Variants in DNM3 observed in about 807,000 individuals in gnomAD.
DNM3 encodes dynamin-3.
A neutral mutation model predicts 101.6 loss-of-function variants in DNM3; 47 were observed. The observed-to-expected ratio is 0.46, with a 90% CI of 0.37 to 0.59. The LOEUF is 0.59. DNM3 is among the 20% of genes least tolerant of loss of function. The probability of loss-of-function intolerance (pLI) is 0.00; values close to 1 mark genes in which losing one functional copy is unlikely to be tolerated. For synonymous variants in DNM3, 385 were observed against 387.9 expected (o/e 0.99, Z 0.09); for missense variants, 849 against 1,085.7 (o/e 0.78, Z 3.06).
At chr1:172,109,010 A>C (rs986181128) in intron 13 of DNM3, among the ~76,000 whole-genome samples, 2 of 152,212 alleles carry the variant, frequency 1.3e-5, no homozygotes, top group African/African-American at 4.8e-5. Context: ...TAATGCCTAT[A>C]ATTATTATTT....
intron 4 of DNM3, among the ~76,000 whole-genome samples, chr1:171,993,232 C>T (rs1558388729): frequency 6.6e-6 from 1 of 151,612 alleles, no homozygotes; most frequent in African/African-American, 2.4e-5. Context: ...GTCCAGTGTC[C>T]TTTTTTTTCT....
chr1:171,878,379 CT>C (rs34181872), intron 1 of DNM3, among the ~76,000 whole-genome samples: 61,259 of 146,134 alleles, frequency 0.42, 12,504 homozygotes, highest in Non-Finnish European at 0.44. Context: ...AAATTCCTTT[CT>C]TTTTTTTTTT....
intron 10 of DNM3, among the ~76,000 whole-genome samples, chr1:172,064,637 G>C (rs1368830627): frequency 6.6e-6 from 1 of 152,000 alleles, no homozygotes; most frequent in Non-Finnish European, 1.5e-5. Flanking sequence ...TGTATCTTAA[G>C]AATTGGGACT....
rs529934655 is a variant in DNM3, at chr1:172,194,598, C to T, written c.1660-58975C>T. On this transcript the variant is annotated intron_variant, in intron 14 of 20. Coordinates refer to ENST00000627582, the MANE Select transcript of DNM3 (RefSeq NM_015569.5). ...GTTAGCTCTTCTTGTTGAATTGATCCCTGTACCATTAGGTAATGACCTTCT... is the reference window on the plus strand; with the variant it reads ...GTTAGCTCTTCTTGTTGAATTGATCTCTGTACCATTAGGTAATGACCTTCT... Among the ~76,000 whole-genome samples the T allele has an allele frequency of 2.6e-5, 4 of 152,160 alleles. No homozygotes were observed. The South Asian group carries it at 8.3e-4, about 32-fold the overall frequency.
intron 1 of DNM3, among the ~76,000 whole-genome samples, chr1:171,860,790 G>T (rs2034093451): frequency 7.0e-6 from 1 of 142,692 alleles, no homozygotes; most frequent in South Asian, 2.4e-4. Flanking sequence ...ATAATGACTT[G>T]CTGATGGACT....
chr1:172,279,905 G>T (rs1031237360), intron 15 of DNM3, among the ~76,000 whole-genome samples: 1 of 152,022 alleles, frequency 6.6e-6, no homozygotes, highest in Admixed American at 6.6e-5. Context: ...TTAAAAAATA[G>T]ATCAGATCCT....
At chr1:172,098,611 G>T (rs1286322553) in intron 13 of DNM3, among the ~76,000 whole-genome samples, 4 of 152,166 alleles carry the variant, frequency 2.6e-5, no homozygotes, top group Non-Finnish European at 4.4e-5. Context: ...AATCACAAGG[G>T]TATTGATTGG....
chr1:172,127,258 C>T (rs942237599), intron 13 of DNM3, among the ~76,000 whole-genome samples: 5 of 152,048 alleles, frequency 3.3e-5, no homozygotes, highest in Admixed American at 6.6e-5. Flanking sequence ...TCAACCTCCC[C>T]GGCCTCACAA....
chr1:172,249,066 G>A (rs1211497485), intron 14 of DNM3, among the ~76,000 whole-genome samples: 2 of 152,134 alleles, frequency 1.3e-5, no homozygotes, highest in African/African-American at 4.8e-5. Context: ...AAATTGCCAC[G>A]TGAATAAAGT....
intron 14 of DNM3, among the ~76,000 whole-genome samples, chr1:172,238,955 T>C (rs1049921917): frequency 6.6e-6 from 1 of 152,198 alleles, no homozygotes; most frequent in African/African-American, 2.4e-5. Context: ...AATTTTCAAT[T>C]TTCAGTTTCT....
intron 17 of DNM3, among the ~76,000 whole-genome samples, chr1:172,376,873 C>T (rs536922825): frequency 1.3e-5 from 2 of 152,066 alleles, no homozygotes; most frequent in South Asian, 4.2e-4. Context: ...TTTCTAATTG[C>T]ATCTGGTTTC....
intron 13 of DNM3, among the ~76,000 whole-genome samples, chr1:172,118,533 A>G (rs1289465301): frequency 6.6e-6 from 1 of 151,880 alleles, no homozygotes; most frequent in Non-Finnish European, 1.5e-5. Context: ...TCATTGGCCA[A>G]TTCTTGTTTT....
chr1:172,365,481 G>C (rs139177417), intron 17 of DNM3, among the ~76,000 whole-genome samples: 22 of 151,982 alleles, frequency 1.4e-4, no homozygotes, highest in Middle Eastern at 3.4e-3. Context: ...TTTTTGATGT[G>C]ATAATGGCAC....
intron 14 of DNM3, among the ~76,000 whole-genome samples, chr1:172,171,394 A>C (rs1030961933): frequency 6.6e-6 from 1 of 151,810 alleles, no homozygotes; most frequent in East Asian, 1.9e-4. Context: ...ATAAAAGTAT[A>C]TGAATAGTTT....
chr1:172,388,637 A>G lies in DNM3; in HGVS notation c.2350A>G (p.Thr784Ala), dbSNP rs1469965098. ...PTLSAPLARP[T>A]SGRGPAPAIP... Reference sequence around the variant, plus strand: ...ACTAAGTGCTCCCCTCGCAAGGCCCACATCCGGCCGAGGACCAGCTCCTGC... The same window carrying G: ...ACTAAGTGCTCCCCTCGCAAGGCCCGCATCCGGCCGAGGACCAGCTCCTGC... The change falls in exon 20 of 21, where the codon ACA (threonine) becomes GCA (alanine). Residue 784 changes from threonine (T) to alanine (A), a missense_variant. This residue lies in a region of DNM3 where 256 missense variants were observed against 311.7 expected (regional missense o/e 0.82). Transcript: ENST00000627582. 3 of 1,614,008 alleles carry G rather than the reference A, an allele frequency of 1.9e-6. No individual in the cohort carries two copies. Among genetic ancestry groups the G allele is most frequent in the South Asian group, 1.1e-5 (1 of 91,086 alleles).
chr1:171,978,129 C>T (rs936033840), intron 2 of DNM3, among the ~76,000 whole-genome samples: 1 of 152,076 alleles, frequency 6.6e-6, no homozygotes, highest in African/African-American at 2.4e-5. Flanking sequence ...ACTGGAAATA[C>T]AGCAGGGGTA....
chr1:172,375,643 G>C (rs957855724), intron 17 of DNM3, among the ~76,000 whole-genome samples: 1 of 152,070 alleles, frequency 6.6e-6, no homozygotes, highest in Non-Finnish European at 1.5e-5. Flanking sequence ...CAAGCCCAGT[G>C]CTTCTATAAT....
chr1:171,921,796 G>T lies in DNM3; in HGVS notation c.210G>T (p.Val70=). Residue 70 remains valine, a synonymous_variant, in exon 2 of 21, where the codon GTG becomes GTT. Transcript: ENST00000627582. ...GSGIVTRRPL[V]LQLVTSKAEY... ...GCATTGTAACAAGACGACCTCTTGT[G>T]CTGCAGCTTGTTACTTCTAAAGCAG... 6.2e-7 allele frequency: 1 copy of T among 1,602,488 alleles called. No homozygotes were observed. The highest frequency in any genetic ancestry group is 2.2e-5 in the East Asian group (1 of 44,626).
intron 14 of DNM3, among the ~76,000 whole-genome samples, chr1:172,141,289 G>A (rs1278653395): frequency 6.6e-6 from 1 of 152,080 alleles, no homozygotes; most frequent in African/African-American, 2.4e-5. Context: ...AAAGTAAGAA[G>A]GGATTTGAAG....
Sources: allele counts gnomAD v4.1 joint callset (sites outside exome capture counted in the v4.1 genomes callset), GRCh38; gene constraint gnomAD v4.1.1; regional missense constraint gnomAD v4.1.1; transcripts MANE v1.5; gene names NCBI Gene and HGNC (gene_info 2026-07-23, HGNC 2026-07-21).